The following RREB1 variants were observed in gnomAD, a reference collection of about 807,000 sequenced individuals.
RREB1 encodes ras responsive element binding protein 1, also known as ras-responsive element-binding protein 1.
Under a neutral mutation model 117.8 loss-of-function variants are expected in RREB1, and 27 were observed. The observed-to-expected ratio is 0.23, with a 90% CI of 0.17 to 0.32. The LOEUF (loss-of-function observed/expected upper bound fraction) is 0.32, where lower values mean the gene tolerates loss of function less well. Among genes scored for constraint, RREB1 ranks in the 10% least tolerant of loss-of-function variants. The probability of loss-of-function intolerance (pLI) is 1.00; values close to 1 mark genes in which losing one functional copy is unlikely to be tolerated. For missense variants in RREB1, 2,577 were observed against 2,378.2 expected, an observed-to-expected ratio of 1.08 and a Z score of -1.74; for synonymous variants, 1,298 against 1,026.7, an observed-to-expected ratio of 1.26 and a Z score of -5.05.
chr6:7,134,366 A>C (rs768043522), intron 1 of RREB1, among the ~76,000 whole-genome samples: 1 of 152,188 alleles, frequency 6.6e-6, no homozygotes, highest in East Asian at 1.9e-4. Flanking sequence ...GTTCTCTTAC[A>C]TAGGGCACTG....
chr6:7,187,913 T>TG (rs1201776388), intron 5 of RREB1, among the ~76,000 whole-genome samples: 1 of 152,188 alleles, frequency 6.6e-6, no homozygotes, highest in African/African-American at 2.4e-5. Context: ...CACAACACTT[T>TG]GGGAGGCCAA....
chr6:7,237,178 C>T (rs538885955), intron 10 of RREB1, among the ~76,000 whole-genome samples: 4 of 152,064 alleles, frequency 2.6e-5, no homozygotes, highest in Non-Finnish European at 5.9e-5. Context: ...CTCTGCCTCC[C>T]GGGTTCAAGC....
At chr6:7,129,452 G>A (rs1052376805) in intron 1 of RREB1, among the ~76,000 whole-genome samples, 7 of 152,244 alleles carry the variant, frequency 4.6e-5, no homozygotes, top group African/African-American at 1.7e-4. Flanking sequence ...TGGGCATGTG[G>A]TTTGTGTGTC....
At chr6:7,157,078 C>G (rs1763402801) in intron 1 of RREB1, among the ~76,000 whole-genome samples, 1 of 152,186 alleles carries the variant, frequency 6.6e-6, no homozygotes, top group Admixed American at 6.5e-5. Context: ...CTTCTTTTCT[C>G]TTCTTCTTAC....
intron 12 of RREB1, 107 bp downstream of exon 12, chr6:7,247,328 C>A: frequency 1.0e-6 from 1 of 1,000,512 alleles, no homozygotes; most frequent in Non-Finnish European, 1.4e-6. Context: ...AGAACGTTTG[C>A]TTACGTTGCC....
At chr6:7,108,857 G>A (rs996933886) in intron 1 of RREB1, among the ~76,000 whole-genome samples, 10 of 151,254 alleles carry the variant, frequency 6.6e-5, no homozygotes, top group African/African-American at 2.2e-4. Flanking sequence ...GCGCCCTCGC[G>A]GGTTCCCGGC....
At chr6:7,209,144 T>A (rs1766438562) in intron 6 of RREB1, among the ~76,000 whole-genome samples, 1 of 152,226 alleles carries the variant, frequency 6.6e-6, no homozygotes, top group African/African-American at 2.4e-5. Context: ...CTATAAATAT[T>A]GTGTCATATG....
At chr6:7,112,830 C>T (rs1472689901) in intron 1 of RREB1, among the ~76,000 whole-genome samples, 2 of 152,232 alleles carry the variant, frequency 1.3e-5, no homozygotes, top group African/African-American at 4.8e-5. Flanking sequence ...CCCAATTTCT[C>T]TTGTCACGTT....
At chr6:7,150,867 G>A (rs971334814) in intron 1 of RREB1, among the ~76,000 whole-genome samples, 1 of 152,364 alleles carries the variant, frequency 6.6e-6, no homozygotes, top group African/African-American at 2.4e-5. Flanking sequence ...TGTAACATCC[G>A]CCGGGTAGGC....
At chr6:7,153,544 A>T (rs1205343375) in intron 1 of RREB1, among the ~76,000 whole-genome samples, 2 of 152,196 alleles carry the variant, frequency 1.3e-5, no homozygotes, top group Non-Finnish European at 2.9e-5. Context: ...TGCAGTAAAT[A>T]ATTTTTTTAG....
chr6:7,143,563 G>A (rs778246047), intron 1 of RREB1, among the ~76,000 whole-genome samples: 11 of 152,182 alleles, frequency 7.2e-5, no homozygotes, highest in Non-Finnish European at 1.6e-4. Context: ...TTGGAAGAGA[G>A]TAAATGGTGC....
chr6:7,227,942 C>T (rs781242013), intron 9 of RREB1, among the ~76,000 whole-genome samples: 1 of 152,166 alleles, frequency 6.6e-6, no homozygotes, highest in Non-Finnish European at 1.5e-5. Flanking sequence ...TGGCACATGC[C>T]TATAATCCCA....
At chr6:7,130,023 G>C (rs555973750) in intron 1 of RREB1, among the ~76,000 whole-genome samples, 1 of 152,218 alleles carries the variant, frequency 6.6e-6, no homozygotes, top group South Asian at 2.1e-4. Flanking sequence ...CTTGTCCCAG[G>C]TGTTGTAGTG....
intron 11 of RREB1, among the ~76,000 whole-genome samples, chr6:7,242,939 G>A (rs944739414): frequency 3.9e-5 from 6 of 152,200 alleles, no homozygotes; most frequent in Non-Finnish European, 8.8e-5. Flanking sequence ...GTCCTGGACA[G>A]AGAGGCAGCC....
At chr6:7,123,373 G>A (rs1761763886) in intron 1 of RREB1, among the ~76,000 whole-genome samples, 1 of 152,066 alleles carries the variant, frequency 6.6e-6, no homozygotes, top group South Asian at 2.1e-4. Flanking sequence ...TGTTGCCCAG[G>A]CTGGTCTCGA....
chr6:7,205,624 C>T (rs1332006969), intron 6 of RREB1, among the ~76,000 whole-genome samples: 3 of 152,120 alleles, frequency 2.0e-5, no homozygotes, highest in African/African-American at 7.2e-5. Context: ...GGAAGGTCCG[C>T]AGAAAGTTCC....
chr6:7,244,491 A>G (rs577210135), intron 11 of RREB1, among the ~76,000 whole-genome samples: 4 of 152,326 alleles, frequency 2.6e-5, no homozygotes, highest in African/African-American at 7.2e-5. Context: ...TATCCATTCT[A>G]TAGATGCTCT....
At chr6:7,188,340 T>C (rs923417566) in intron 5 of RREB1, among the ~76,000 whole-genome samples, 1 of 151,880 alleles carries the variant, frequency 6.6e-6, no homozygotes, top group Non-Finnish European at 1.5e-5. Context: ...AACCTCTGCC[T>C]CCTGAGTTCA....
intron 4 of RREB1, among the ~76,000 whole-genome samples, chr6:7,182,429 A>G (rs1032168301): frequency 6.6e-6 from 1 of 152,154 alleles, no homozygotes; most frequent in African/African-American, 2.4e-5. Context: ...GGCTATTTTT[A>G]AGTATCTTCA....
Sources: gnomAD v4.1 joint callset for allele counts (sites outside exome capture counted in the v4.1 genomes callset) on GRCh38, gnomAD v4.1.1 for gene constraint, MANE v1.5 for transcripts, NCBI Gene and HGNC (gene_info 2026-07-23, HGNC 2026-07-21) for gene names.